DAB1: variants seen among roughly 807,000 people sequenced by gnomAD.
DAB1 encodes the protein DAB adaptor protein 1.
In DAB1, 15 loss-of-function variants were observed where a neutral mutation model predicts 64.6. That is an observed-to-expected ratio of 0.23 (90% CI 0.16 to 0.36). The LOEUF (loss-of-function observed/expected upper bound fraction) is 0.36. DAB1 is among the 10% of genes least tolerant of loss of function. The pLI is 1.00. For missense variants in DAB1, 596 were observed against 706.7 expected (o/e 0.84, Z 1.78); for synonymous variants, 235 against 251.9 (o/e 0.93, Z 0.64).
chr1:57,405,096 C>T (rs1342487934), intron 1 of DAB1, among the ~76,000 whole-genome samples: 1 of 152,130 alleles, frequency 6.6e-6, no homozygotes, highest in Non-Finnish European at 1.5e-5. Flanking sequence ...CCTAAAACTA[C>T]GCATTTGACT....
chr1:57,821,235 C>T (rs1344544714), downstream of DAB1, among the ~76,000 whole-genome samples: 1 of 152,052 alleles, frequency 6.6e-6, no homozygotes, highest in African/African-American at 2.4e-5. Context: ...AGTTTCAGCA[C>T]CTAATGATGC....
rs186845023 is a variant in DAB1 at position 57,079,636 on chromosome 1, A to T, written c.307-7222T>A. ...CAGGGCCTGCAGAGCCCCCTGTAGG[A>T]CCTGGCTGCTTCCCCATGCTGACTC... On this transcript the variant is annotated intron_variant, in intron 4 of 14. Coordinates refer to ENST00000371236, the MANE Select transcript of DAB1 (RefSeq NM_001365792.1). Among the ~76,000 whole-genome samples the T allele has an allele frequency of 2.7e-4, 41 of 152,268 alleles. No individual in the cohort carries two copies. In the East Asian group the frequency reaches 7.9e-3, roughly 29 times the overall value.
intron 4 of DAB1, among the ~76,000 whole-genome samples, chr1:58,225,084 G>C (rs1659391838): frequency 6.6e-6 from 1 of 151,922 alleles, no homozygotes; most frequent in Admixed American, 6.6e-5. Flanking sequence ...CTAATATCCA[G>C]AATCTACAAT....
upstream of DAB1, among the ~76,000 whole-genome samples, chr1:57,427,360 G>A (rs1685330245): frequency 6.6e-6 from 1 of 152,186 alleles, no homozygotes; most frequent in Non-Finnish European, 1.5e-5. Flanking sequence ...GGATCTTGGA[G>A]TCAACCTAAT....
In DAB1 at chr1:58,258,047, C is replaced by A. The variant is rs547808763; in HGVS notation, n.309+85305G>T. Among the ~76,000 whole-genome samples, 58 of 152,344 alleles carry A rather than the reference C, an allele frequency of 3.8e-4. 1 individual carries two copies. Among genetic ancestry groups the A allele is most frequent in the Middle Eastern group, 6.8e-3 (2 of 294 alleles). On this transcript the variant is annotated intron_variant and non_coding_transcript_variant, in intron 4 of 20. Transcript: ENST00000485760. Reference sequence around the variant, plus strand: ...GTGGGGAGGGAAGGTTCACCCCCAACACATTCCTCGTACACATGCACACAT... The same window carrying A: ...GTGGGGAGGGAAGGTTCACCCCCAAAACATTCCTCGTACACATGCACACAT...
intron 4 of DAB1, among the ~76,000 whole-genome samples, chr1:57,086,874 G>A (rs1653142716): frequency 6.6e-6 from 1 of 152,164 alleles, no homozygotes; most frequent in Non-Finnish European, 1.5e-5. Flanking sequence ...GTGTGTCAGT[G>A]TTGAATGGGT....
At chr1:57,601,716 A>ACT (rs1645577714) in intron 7 of DAB1, among the ~76,000 whole-genome samples, 2 of 152,224 alleles carry the variant, frequency 1.3e-5, no homozygotes, top group Non-Finnish European at 2.9e-5. Flanking sequence ...TATAGGACTG[A>ACT]TGACTCACCA....
intron 7 of DAB1, among the ~76,000 whole-genome samples, chr1:57,542,302 G>A (rs1424714767): frequency 6.6e-6 from 1 of 151,848 alleles, no homozygotes; most frequent in Non-Finnish European, 1.5e-5. Context: ...ACTGCATGGT[G>A]TGGATGGGTT....
chr1:58,459,273 C>A (rs10889093), intron 3 of DAB1, among the ~76,000 whole-genome samples: 44,721 of 152,162 alleles, frequency 0.29, 7,191 homozygotes, highest in Non-Finnish European at 0.36. Context: ...CTCACTGTTT[C>A]CGAGGTTCAG....
chr1:58,373,231 T>C (rs1287801379), intron 3 of DAB1, among the ~76,000 whole-genome samples: 11 of 150,584 alleles, frequency 7.3e-5, no homozygotes, highest in Non-Finnish European at 1.6e-4. Context: ...TGCAGGTCAG[T>C]TACATATGTA....
intron 5 of DAB1, chr1:58,048,211 A>G (rs953277419): frequency 5.5e-6 from 7 of 1,268,368 alleles, no homozygotes; most frequent in Non-Finnish European, 8.0e-6. Context: ...TACTGCTGCT[A>G]CTGGAACCGC....
intron 2 of DAB1, among the ~76,000 whole-genome samples, chr1:57,249,208 T>C (rs1669132175): frequency 8.8e-6 from 1 of 113,014 alleles, no homozygotes; most frequent in Admixed American, 1.0e-4. Context: ...GTGGATCTTG[T>C]ATGTATAGAG....
At chr1:57,519,386 G>GTGC (rs893502861) in intron 7 of DAB1, among the ~76,000 whole-genome samples, 46 of 152,162 alleles carry the variant, frequency 3.0e-4, no homozygotes, top group Non-Finnish European at 5.4e-4. Context: ...TGCCACCACT[G>GTGC]TGCTGCTGCT....
chr1:57,331,186 C>T (rs1558181258), intron 1 of DAB1, among the ~76,000 whole-genome samples: 1 of 152,150 alleles, frequency 6.6e-6, no homozygotes, highest in Non-Finnish European at 1.5e-5. Context: ...AGCAAAGAAA[C>T]TGTCTGCTAA....
At position 58,330,079 on chromosome 1, in the gene DAB1, A is replaced by C. The variant is rs115179093; in HGVS notation, n.309+13273T>G. ...CCAAAAGCTAGGTCTCTTGCACCAA[A>C]TGATTATCCTACTTGTGAATGCAAA... On this transcript the variant is annotated intron_variant and non_coding_transcript_variant, in intron 4 of 20. Transcript: ENST00000485760. Among the ~76,000 whole-genome samples, 1,350 of 152,338 alleles carry C rather than the reference A, an allele frequency of 8.9e-3. 9 individuals are homozygous for C. The highest frequency in any genetic ancestry group is 0.015 in the Admixed American group (237 of 15,308).
chr1:57,963,771 C>T (rs959059419), intron 5 of DAB1, among the ~76,000 whole-genome samples: 1 of 9,608 alleles, frequency 1.0e-4, no homozygotes, highest in Non-Finnish European at 7.7e-3. Context: ...CTCTCATCTG[C>T]TCTCCACCAA....
chr1:58,479,650 T>C (rs1210308213), intron 3 of DAB1, among the ~76,000 whole-genome samples: 1 of 152,162 alleles, frequency 6.6e-6, no homozygotes, highest in African/African-American at 2.4e-5. Flanking sequence ...AATGATGAGA[T>C]TTTTACTTAT....
At chr1:58,198,107 T>C (rs1225730573) in intron 4 of DAB1, among the ~76,000 whole-genome samples, 2 of 152,206 alleles carry the variant, frequency 1.3e-5, no homozygotes, top group Admixed American at 6.5e-5. Flanking sequence ...TCATTGCTGA[T>C]AGAGTTCATC....
chr1:58,068,318 CG>C (rs1055572438), intron 5 of DAB1, among the ~76,000 whole-genome samples: 3 of 152,198 alleles, frequency 2.0e-5, no homozygotes, highest in Non-Finnish European at 4.4e-5. Context: ...TTGAATTCCA[CG>C]CAGTAGTGTT....
Sources: gnomAD v4.1 joint callset for allele counts (sites outside exome capture counted in the v4.1 genomes callset) on GRCh38, gnomAD v4.1.1 for gene constraint, MANE v1.5 for transcripts, NCBI Gene and HGNC (gene_info 2026-07-23, HGNC 2026-07-21) for gene names.